The following MAML2 variants were observed in gnomAD, a reference collection of about 807,000 sequenced individuals.
MAML2 encodes mastermind like transcriptional coactivator 2.
MAML2 carries 22 observed loss-of-function variants against 96.1 expected under a neutral mutation model. That is an observed-to-expected ratio of 0.23 (90% confidence interval 0.16 to 0.33). The LOEUF (loss-of-function observed/expected upper bound fraction) is 0.33. MAML2 is among the 10% of genes least tolerant of loss of function. The pLI is 1.00. For missense variants in MAML2, 1,367 were observed against 1,392.4 expected, an observed-to-expected ratio of 0.98 and a Z score of 0.29; for synonymous variants, 561 against 521.3, an observed-to-expected ratio of 1.08 and a Z score of -1.04.
chr11:96,293,474 T>C (rs1270762397), intron 1 of MAML2, among the ~76,000 whole-genome samples: 2 of 152,200 alleles, frequency 1.3e-5, no homozygotes, highest in Non-Finnish European at 2.9e-5. Flanking sequence ...ATCTGAAGCA[T>C]GTTAAATCAT....
intron 1 of MAML2, among the ~76,000 whole-genome samples, chr11:96,115,792 A>G (rs1383624949): frequency 6.6e-6 from 1 of 152,132 alleles, no homozygotes; most frequent in Non-Finnish European, 1.5e-5. Context: ...TGGAGTAGAT[A>G]CCTGAATCAG....
chr11:95,991,904 C>T (rs999746121), intron 2 of MAML2, among the ~76,000 whole-genome samples, 181 bp from the exon 3 acceptor site: 2 of 152,118 alleles, frequency 1.3e-5, no homozygotes, highest in African/African-American at 4.8e-5. Flanking sequence ...CATAACACAG[C>T]AACCAAAGCA....
chr11:96,068,682 T>C (rs1389658708), intron 2 of MAML2, among the ~76,000 whole-genome samples: 1 of 151,848 alleles, frequency 6.6e-6, no homozygotes, highest in African/African-American at 2.4e-5. Flanking sequence ...CAAAAAAAAT[T>C]AGCTGGGCAT....
At chr11:96,330,790 G>A (rs1863843647) in intron 1 of MAML2, among the ~76,000 whole-genome samples, 1 of 152,232 alleles carries the variant, frequency 6.6e-6, no homozygotes, top group African/African-American at 2.4e-5. Context: ...GGTGTTCCAA[G>A]AGGGCTTCAT....
At chr11:96,058,739 T>G (rs898772628) in intron 2 of MAML2, among the ~76,000 whole-genome samples, 4 of 152,218 alleles carry the variant, frequency 2.6e-5, no homozygotes, top group Admixed American at 1.3e-4. Flanking sequence ...TGCCAGAATA[T>G]TTCCTGTTCC....
In MAML2 at chr11:96,023,535, T is replaced by C. The variant is rs963189812; in HGVS notation, c.2140-31812A>G. Among the ~76,000 whole-genome samples, 20 of 152,078 alleles carry C rather than the reference T, an allele frequency of 1.3e-4. No individual in the cohort carries two copies. In the South Asian group the frequency reaches 1.7e-3, roughly 13 times the overall value. ...ACCACCCAGCTAGTGAGACGACTGA[T>C]GTGGAATGTGGGTTCATGTTGTGGA... On this transcript the variant is annotated intron_variant, in intron 2 of 4. Transcript: ENST00000524717.
chr11:96,086,591 G>A (rs1325962440), intron 2 of MAML2, among the ~76,000 whole-genome samples: 4 of 152,078 alleles, frequency 2.6e-5, no homozygotes, highest in African/African-American at 9.7e-5. Context: ...CAATCTGATT[G>A]TTTAATTTTT....
intron 1 of MAML2, among the ~76,000 whole-genome samples, chr11:96,101,745 C>T (rs1859934783): frequency 6.6e-6 from 1 of 151,818 alleles, no homozygotes; most frequent in Non-Finnish European, 1.5e-5. Context: ...GCTGGTCTGA[C>T]ACTTCCCACT....
At chr11:96,269,050 T>C (rs1476636942) in intron 1 of MAML2, among the ~76,000 whole-genome samples, 1 of 145,138 alleles carries the variant, frequency 6.9e-6, no homozygotes, top group East Asian at 2.0e-4. Context: ...AACAATATAA[T>C]GTTGGCATCA....
chr11:96,051,443 A>G (rs1430685635), intron 2 of MAML2, among the ~76,000 whole-genome samples: 2 of 152,150 alleles, frequency 1.3e-5, no homozygotes, highest in African/African-American at 4.8e-5. Flanking sequence ...GTATTATTCT[A>G]CCTACTAATA....
intron 2 of MAML2, among the ~76,000 whole-genome samples, chr11:96,065,187 G>T: frequency 6.6e-6 from 1 of 152,146 alleles, no homozygotes; most frequent in East Asian, 1.9e-4. Flanking sequence ...ATTTTAAAAA[G>T]CTTCAAGAAA....
chr11:96,245,848 G>T (rs186524694), intron 1 of MAML2, among the ~76,000 whole-genome samples: 1 of 151,928 alleles, frequency 6.6e-6, no homozygotes, highest in South Asian at 2.1e-4. Flanking sequence ...GGGATTACAG[G>T]TGTGCGCCAC....
intron 1 of MAML2, among the ~76,000 whole-genome samples, chr11:96,103,270 G>A (rs141425034): frequency 6.6e-6 from 1 of 152,278 alleles, no homozygotes; most frequent in Non-Finnish European, 1.5e-5. Context: ...TCTATTCCAG[G>A]AAAGTGCTCA....
chr11:96,238,121 GGACAAGC>G, intron 1 of MAML2, among the ~76,000 whole-genome samples: 1 of 152,182 alleles, frequency 6.6e-6, no homozygotes, highest in South Asian at 2.1e-4. Flanking sequence ...CCAGCTCTCA[GGACAAGC>G]AATTAGTACA....
At chr11:96,252,057 G>A (rs1055208005) in intron 1 of MAML2, among the ~76,000 whole-genome samples, 65 of 152,182 alleles carry the variant, frequency 4.3e-4, no homozygotes, top group African/African-American at 1.5e-3. Flanking sequence ...AACACCAGAC[G>A]GAGTAGCAAA....
intron 1 of MAML2, among the ~76,000 whole-genome samples, chr11:96,208,073 T>C (rs1047241742): frequency 6.6e-6 from 1 of 152,224 alleles, no homozygotes; most frequent in Admixed American, 6.5e-5. Flanking sequence ...CATTTTTTGC[T>C]GCAGTGATTT....
At chr11:96,163,168 G>A (rs926590950) in intron 1 of MAML2, among the ~76,000 whole-genome samples, 2 of 152,154 alleles carry the variant, frequency 1.3e-5, no homozygotes, top group Admixed American at 6.5e-5. Flanking sequence ...TCCCAAACCC[G>A]AGACTGTCTC....
At chr11:96,027,893 G>T (rs480190) in intron 2 of MAML2, among the ~76,000 whole-genome samples, 3 of 151,788 alleles carry the variant, frequency 2.0e-5, no homozygotes, top group Admixed American at 1.3e-4. Flanking sequence ...TACTGTGCCC[G>T]GCTCATTTTC....
chr11:96,185,908 A>T (rs1861568550), intron 1 of MAML2, among the ~76,000 whole-genome samples: 1 of 152,144 alleles, frequency 6.6e-6, no homozygotes, highest in Admixed American at 6.5e-5. Context: ...GTATAGCATC[A>T]ATGCGTGGTG....
Sources: allele counts gnomAD v4.1 joint callset (sites outside exome capture counted in the v4.1 genomes callset), GRCh38; gene constraint gnomAD v4.1.1; transcripts MANE v1.5; gene names NCBI Gene and HGNC (gene_info 2026-07-23, HGNC 2026-07-21).